HFM1: variants seen among roughly 807,000 people sequenced by gnomAD.
HFM1 encodes helicase for meiosis 1.
Under a neutral mutation model 192.1 loss-of-function variants are expected in HFM1, and 169 were observed. That is an observed-to-expected ratio of 0.88 (90% confidence interval 0.78 to 1.00). HFM1 has a LOEUF of 1.00. Ranked by LOEUF, HFM1 falls within the 50% of genes least tolerant of loss-of-function variation. HFM1 has a pLI of 0.00. For missense variants in HFM1, 1,661 were observed against 1,668.0 expected (o/e 1.00, Z 0.07); for synonymous variants, 525 against 537.8 (o/e 0.98, Z 0.33).
chr1:91,386,147 A>G (rs551985113), intron 4 of HFM1, among the ~76,000 whole-genome samples: 4 of 152,326 alleles, frequency 2.6e-5, no homozygotes, highest in African/African-American at 9.6e-5. Context: ...CTGTCTAACT[A>G]GCAGAGTACT....
intron 7 of HFM1, 26 bp downstream of exon 7, chr1:91,380,886 A>G (rs1343826912): frequency 9.2e-7 from 1 of 1,089,864 alleles, no homozygotes; most frequent in East Asian, 2.4e-5. Flanking sequence ...AGGTAGAAAA[A>G]TAAATAAGTA....
At chr1:91,324,560 TTTC>T (rs1652600590) in intron 21 of HFM1, 112 bp downstream of exon 21, 5 of 619,152 alleles carry the variant, frequency 8.1e-6, no homozygotes, top group East Asian at 2.8e-5. Flanking sequence ...TTAGAAATGC[TTTC>T]TTTTCTGCTC....
At chr1:91,301,420 T>A (rs61798896) in intron 30 of HFM1, among the ~76,000 whole-genome samples, 1 of 107,520 alleles carries the variant, frequency 9.3e-6, no homozygotes, top group South Asian at 4.0e-4. Context: ...CTTCACAGAA[T>A]TGGAAAAAAC....
intron 34 of HFM1, among the ~76,000 whole-genome samples, chr1:91,269,698 G>C (rs955297386): frequency 6.6e-6 from 1 of 152,270 alleles, no homozygotes; most frequent in Non-Finnish European, 1.5e-5. Context: ...ACTCTTCTAA[G>C]GTGATACCAC....
chr1:91,347,500 T>C (rs201900664), intron 18 of HFM1, 24 bp from the exon 19 acceptor site: 6 of 1,552,478 alleles, frequency 3.9e-6, no homozygotes, highest in South Asian at 1.2e-5. Flanking sequence ...AAAAGTAAAA[T>C]AGAATTTAGC....
In HFM1 at chr1:91,328,417, G is replaced by A. The variant is rs1220231208; in HGVS notation, c.2336-3651C>T. ...AGGCCTGGCCAAACTAATTGCTGAT[G>A]TGGCCCCCAGTGCCACCCGGGAGAA... On this transcript the variant is annotated intron_variant, in intron 20 of 38. Coordinates refer to ENST00000370425, the MANE Select transcript of HFM1 (RefSeq NM_001017975.6). 1.9e-5 allele frequency: 30 copies of A among 1,601,922 alleles called. No individual in the cohort carries two copies. In the South Asian group the frequency reaches 3.1e-4, roughly 16 times the overall value.
chr1:91,377,038 A>G (rs1352583734), intron 11 of HFM1, among the ~76,000 whole-genome samples: 1 of 151,680 alleles, frequency 6.6e-6, no homozygotes, highest in Non-Finnish European at 1.5e-5. Context: ...CAATAAAACC[A>G]CAAAAATAGT....
In HFM1 at chr1:91,262,497, G is replaced by T; in HGVS notation, c.4070C>A (p.Ala1357Asp). 6.3e-7 allele frequency: 1 copy of T among 1,599,348 alleles called. No homozygotes were observed. The highest frequency in any genetic ancestry group is 8.6e-7 in the Non-Finnish European group (1 of 1,168,942). Reference sequence around the variant, plus strand: ...TCTTCTTACAATAACTGCATTTCCGGCTTGTTGAGGTAATTTTGTCATGGA... The same window carrying T: ...TCTTCTTACAATAACTGCATTTCCGTCTTGTTGAGGTAATTTTGTCATGGA... ...ASSMTKLPQQ[A>D]GNAVIVHFQE... Residue 1357 changes from alanine to aspartate, a missense_variant, in exon 37 of 39, where the codon GCC becomes GAC. Ala to Asp is a moderately radical substitution (Grantham distance 126). Transcript: ENST00000370425.
At chr1:91,276,604 G>C (rs1666843139) in intron 32 of HFM1, 24 bp downstream of exon 32, 1 of 1,142,876 alleles carries the variant, frequency 8.7e-7, no homozygotes, top group Middle Eastern at 2.0e-4. Flanking sequence ...ACAGAACAAT[G>C]GGAAAAATGT....
rs566245024 is a variant in HFM1, at chr1:91,319,865, T to G, written c.2583-475A>C. On this transcript the variant is annotated intron_variant, in intron 23 of 38. Transcript: ENST00000370425. ...ACATTTTTATTAAATGCTTATTAAG[T>G]GCCAGGCATAGTATTAGGTGCTGAT... 4.9e-4 allele frequency among the ~76,000 whole-genome samples: 75 copies of G among 152,354 alleles called. 1 individual carries two copies. The highest frequency in any genetic ancestry group is 1.8e-3 in the African/African-American group (74 of 41,592).
At chr1:91,293,868 C>T (rs1231880246) in intron 30 of HFM1, among the ~76,000 whole-genome samples, 2 of 150,050 alleles carry the variant, frequency 1.3e-5, no homozygotes, top group African/African-American at 4.9e-5. Context: ...ACTATGCAGC[C>T]ATAAAAAATG....
intron 30 of HFM1, among the ~76,000 whole-genome samples, chr1:91,297,569 G>T (rs2100998855): frequency 6.6e-6 from 1 of 152,314 alleles, no homozygotes; most frequent in Middle Eastern, 3.4e-3. Flanking sequence ...AACTCACACA[G>T]CCGGGTACCC....
At chr1:91,366,828 T>A (rs1571126292) in intron 13 of HFM1, among the ~76,000 whole-genome samples, 1 of 152,112 alleles carries the variant, frequency 6.6e-6, no homozygotes, top group Non-Finnish European at 1.5e-5. Context: ...ACCCGGGAAA[T>A]GCAAGGGGTC....
intron 20 of HFM1, among the ~76,000 whole-genome samples, chr1:91,341,660 A>C (rs1254872771): frequency 1.3e-5 from 2 of 152,156 alleles, no homozygotes; most frequent in Non-Finnish European, 2.9e-5. Context: ...TGGTTCTTTG[A>C]AAGAATAAAT....
At chr1:91,275,875 C>T (rs1182256618) in intron 32 of HFM1, among the ~76,000 whole-genome samples, 1 of 152,144 alleles carries the variant, frequency 6.6e-6, no homozygotes, top group East Asian at 1.9e-4. Context: ...CAATTTTGAT[C>T]ATGTCACTGG....
At chr1:91,287,272 T>C (rs1233896936) in intron 30 of HFM1, among the ~76,000 whole-genome samples, 1 of 152,156 alleles carries the variant, frequency 6.6e-6, no homozygotes, top group Non-Finnish European at 1.5e-5. Flanking sequence ...TCTGACAGCT[T>C]TGAAGAGAGC....
intron 13 of HFM1, among the ~76,000 whole-genome samples, chr1:91,358,304 T>C (rs949145746): frequency 6.6e-6 from 1 of 151,880 alleles, no homozygotes; most frequent in African/African-American, 2.4e-5. Context: ...TTTTTTTTCA[T>C]AAAATTAGTA....
intron 30 of HFM1, among the ~76,000 whole-genome samples, chr1:91,302,324 C>T (rs1208440083): frequency 6.6e-6 from 1 of 151,914 alleles, no homozygotes; most frequent in Non-Finnish European, 1.5e-5. Flanking sequence ...AACACTTTTA[C>T]GCTGTTGGTG....
Sources: gnomAD v4.1 joint callset for allele counts (sites outside exome capture counted in the v4.1 genomes callset) on GRCh38, gnomAD v4.1.1 for gene constraint, MANE v1.5 for transcripts, NCBI Gene and HGNC (gene_info 2026-07-23, HGNC 2026-07-21) for gene names.